The following ZNF600 variants were observed in gnomAD, a reference collection of about 807,000 sequenced individuals.
ZNF600 encodes the protein zinc finger protein KR-ZNF1.
Under a neutral mutation model 7.3 loss-of-function variants are expected in ZNF600, and 4 were observed. The observed-to-expected ratio is 0.55, with a 90% CI of 0.27 to 1.25. The LOEUF is 1.25. Among genes scored for constraint, ZNF600 ranks in the 50% most tolerant of loss-of-function variants. The pLI is 0.12. For synonymous variants in ZNF600, 290 were observed against 308.9 expected, an observed-to-expected ratio of 0.94 and a Z score of 0.64; for missense variants, 911 against 922.1, an observed-to-expected ratio of 0.99 and a Z score of 0.16.
At chr19:52,771,775 T>C (rs1229957687) in intron 3 of ZNF600, among the ~76,000 whole-genome samples, 2 of 152,002 alleles carry the variant, frequency 1.3e-5, no homozygotes, top group African/African-American at 4.8e-5. Context: ...ATCACGCCCG[T>C]CCAATTTTTT....
chr19:52,796,221 CA>C, the ZNF600 span, among the ~76,000 whole-genome samples: 3 of 152,116 alleles, frequency 2.0e-5, no homozygotes, highest in South Asian at 2.1e-4. Context: ...GGTCTGGGGA[CA>C]GGGGGAATCT....
the ZNF600 span, among the ~76,000 whole-genome samples, chr19:52,802,109 T>C: frequency 1.3e-5 from 2 of 152,244 alleles, no homozygotes; most frequent in Non-Finnish European, 2.9e-5. Flanking sequence ...CACAATATAC[T>C]ATATTGGTAA....
chr19:52,771,966 A>G (rs2062633684), intron 3 of ZNF600, among the ~76,000 whole-genome samples: 1 of 152,212 alleles, frequency 6.6e-6, no homozygotes, highest in Non-Finnish European at 1.5e-5. Context: ...GAAAAGAGGC[A>G]TCTCATCATC....
intron 1 of ZNF600, among the ~76,000 whole-genome samples, chr19:52,782,471 C>T (rs1363507032): frequency 6.6e-6 from 1 of 150,616 alleles, no homozygotes; most frequent in Non-Finnish European, 1.5e-5. Context: ...TGTGATGAGC[C>T]AACATCACGC....
At chr19:52,798,653 TGACTG>T in the ZNF600 span, 1 of 436,764 alleles carries the variant, frequency 2.3e-6, no homozygotes, top group South Asian at 1.8e-5. Context: ...GGATGAAACT[TGACTG>T]AAGACCTTGC....
At chr19:52,830,599 A>G in the ZNF600 span, among the ~76,000 whole-genome samples, 1 of 152,086 alleles carries the variant, frequency 6.6e-6, no homozygotes, top group African/African-American at 2.4e-5. Context: ...TCCCTCATGG[A>G]TCATGTGCTG....
At chr19:52,778,951 C>T in intron 1 of ZNF600, 44 bp from the exon 4 acceptor site, 2 of 1,541,688 alleles carry the variant, frequency 1.3e-6, no homozygotes, top group South Asian at 2.5e-5. Flanking sequence ...AAATGACTCA[C>T]TCCCATCCTG....
At chr19:52,786,859 T>A, upstream of ZNF600, 1 of 236,692 alleles carries the variant, frequency 4.2e-6, no homozygotes, top group Non-Finnish European at 9.4e-6. Flanking sequence ...CGGAGAGACC[T>A]TGCCCTTTAG....
chr19:52,796,505 G>C, the ZNF600 span, among the ~76,000 whole-genome samples: 1 of 151,534 alleles, frequency 6.6e-6, no homozygotes, highest in Non-Finnish European at 1.5e-5. Context: ...AGTCACTTAC[G>C]TCTTAGACTG....
At chr19:52,811,773 C>G in the ZNF600 span, among the ~76,000 whole-genome samples, 9 of 148,700 alleles carry the variant, frequency 6.1e-5, 1 homozygote, top group African/African-American at 2.0e-4. Flanking sequence ...GGGGGGTCAG[C>G]CCCCCGCCCG....
At chr19:52,801,598 C>T in the ZNF600 span, 1 of 1,614,140 alleles carries the variant, frequency 6.2e-7, no homozygotes, top group South Asian at 1.1e-5. Context: ...CAAAAATCTC[C>T]AATGTGATGA....
At chr19:52,781,100 TG>T (rs978903798) in intron 1 of ZNF600, 45 bp from the exon 3 acceptor site, 2 of 151,300 alleles carry the variant, frequency 1.3e-5, no homozygotes, top group Non-Finnish European at 2.9e-5. Context: ...AGCTGTGAGA[TG>T]ATAAGGTTCA....
intron 2 of ZNF600, among the ~76,000 whole-genome samples, chr19:52,777,911 G>T (rs1300598705): frequency 6.6e-6 from 1 of 152,102 alleles, no homozygotes; most frequent in Non-Finnish European, 1.5e-5. Context: ...TCTTTGGGAG[G>T]CTAAAGCAGG....
chr19:52,821,259 C>T, the ZNF600 span, among the ~76,000 whole-genome samples: 3 of 152,002 alleles, frequency 2.0e-5, no homozygotes, highest in Admixed American at 2.0e-4. Flanking sequence ...GGCTGGGAGG[C>T]GCACAGGGTG....
At chr19:52,780,210 C>T (rs373884227) in intron 1 of ZNF600, among the ~76,000 whole-genome samples, 6 of 152,228 alleles carry the variant, frequency 3.9e-5, no homozygotes, top group Middle Eastern at 3.4e-3. Context: ...AACTCTGCGC[C>T]GACCACCCTG....
At chr19:52,778,451 G>A (rs1326059906) in intron 2 of ZNF600, among the ~76,000 whole-genome samples, 4 of 152,046 alleles carry the variant, frequency 2.6e-5, no homozygotes, top group Non-Finnish European at 5.9e-5. Flanking sequence ...AGATATCTGT[G>A]TACACTAACA....
chr19:52,799,492 TAA>T, the ZNF600 span: 1 of 1,066,958 alleles, frequency 9.4e-7, no homozygotes, highest in Non-Finnish European at 1.4e-6. Flanking sequence ...GTTTTTTGAT[TAA>T]AAACCTTGCC....
At chr19:52,783,414 G>T (rs7256918) in intron 1 of ZNF600, among the ~76,000 whole-genome samples, 124,864 of 152,034 alleles carry the variant, frequency 0.82, 52,616 homozygotes, top group Non-Finnish European at 0.92. Flanking sequence ...CAGGCTGGAG[G>T]GCAGTGGCGC....
chr19:52,783,912 T>C (rs2062743842), intron 1 of ZNF600, among the ~76,000 whole-genome samples: 1 of 152,090 alleles, frequency 6.6e-6, no homozygotes, highest in Non-Finnish European at 1.5e-5. Flanking sequence ...TGCCTCAGCC[T>C]CCTAATCCAA....
Sources: allele counts gnomAD v4.1 joint callset (sites outside exome capture counted in the v4.1 genomes callset), GRCh38; gene constraint gnomAD v4.1.1; transcripts MANE v1.5; gene names NCBI Gene and HGNC (gene_info 2026-07-23, HGNC 2026-07-21).